ATP11C: variants seen among roughly 807,000 people sequenced by gnomAD.
The protein encoded by ATP11C is phospholipid-transporting ATPase IG.
Under a neutral mutation model 97.4 loss-of-function variants are expected in ATP11C, and 36 were observed. The observed-to-expected ratio is 0.37, with a 90% CI of 0.28 to 0.49. The LOEUF (loss-of-function observed/expected upper bound fraction) is 0.49. ATP11C is among the 20% of genes least tolerant of loss of function. ATP11C has a pLI of 0.98. For missense variants in ATP11C, 730 were observed against 824.6 expected (o/e 0.89, Z 1.40); for synonymous variants, 275 against 290.9 (o/e 0.95, Z 0.56).
At chrX:139,769,269 G>A (rs1160005033) in intron 19 of ATP11C, among the ~76,000 whole-genome samples, 1 of 64,773 alleles carries the variant, frequency 1.5e-5, no homozygotes, top group Non-Finnish European at 2.8e-5. Flanking sequence ...AAATGGCTTT[G>A]GGGCAAACAT....
At chrX:139,795,984 T>G (rs145770394) in intron 12 of ATP11C, among the ~76,000 whole-genome samples, 66 of 112,169 alleles carry the variant, frequency 5.9e-4, no homozygotes, top group African/African-American at 1.4e-3. Context: ...GAAGACTGTT[T>G]CCTGTTCCAA....
At chrX:139,822,703 C>T (rs1276630237) in intron 2 of ATP11C, among the ~76,000 whole-genome samples, 1 of 108,984 alleles carries the variant, frequency 9.2e-6, no homozygotes, top group Non-Finnish European at 1.9e-5. Context: ...CGTGAGCCAC[C>T]GCGCCTGGCC....
chrX:139,848,280 C>G (rs1365507021), intron 1 of ATP11C, among the ~76,000 whole-genome samples: 2 of 111,188 alleles, frequency 1.8e-5, no homozygotes, highest in East Asian at 5.7e-4. Context: ...ATGCAACACC[C>G]ACCCCAATCC....
At chrX:139,764,554 TA>T (rs962102128) in intron 20 of ATP11C, among the ~76,000 whole-genome samples, 35 of 111,518 alleles carry the variant, frequency 3.1e-4, no homozygotes, top group African/African-American at 1.0e-3. Context: ...TCTAGCGGCT[TA>T]AAAAAAAATA....
Position 139,886,528 on chromosome X carries a change from T to A in ATP11C, c.27+45488A>T, listed in dbSNP as rs908509073. 4.4e-5 allele frequency among the ~76,000 whole-genome samples: 4 copies of A among 91,569 alleles called. No individual in the cohort carries two copies. The Admixed American group carries it at 5.8e-4, about 13-fold the overall frequency. The allele number at this position is 91,569 out of a possible 115,157, so 79.5% of individuals were successfully genotyped here. A position where few individuals can be genotyped will look rare whatever the true frequency, so the allele number is the denominator to read the frequency against. On this transcript the variant is annotated intron_variant, in intron 1 of 29. Coordinates refer to ENST00000682941, the MANE Select transcript of ATP11C (RefSeq NM_001353812.2). ...TGCTTGATTGCTTGAACCCGGGAAG[T>A]GGAGGTTGCAGTGAGCTGAGATTTT...
chrX:139,827,486 C>T (rs2083555462), intron 1 of ATP11C, among the ~76,000 whole-genome samples: 1 of 111,370 alleles, frequency 9.0e-6, no homozygotes, highest in African/African-American at 3.3e-5. Flanking sequence ...GTAGACTCAC[C>T]GAACCTAAAA....
intron 1 of ATP11C, among the ~76,000 whole-genome samples, chrX:139,865,638 T>A (rs888541028): frequency 4.5e-5 from 5 of 110,523 alleles, no homozygotes; most frequent in African/African-American, 9.9e-5. Flanking sequence ...GGCGTGCACC[T>A]GTAATCCCAG....
intron 6 of ATP11C, among the ~76,000 whole-genome samples, chrX:139,803,968 T>C (rs1225789321): frequency 9.1e-6 from 1 of 110,422 alleles, no homozygotes; most frequent in Admixed American, 9.7e-5. Flanking sequence ...CCCAAAGTGC[T>C]AGGATTACAG....
chrX:139,887,462 A>C (rs1029422172), intron 1 of ATP11C, among the ~76,000 whole-genome samples: 2 of 103,577 alleles, frequency 1.9e-5, no homozygotes, highest in Admixed American at 1.1e-4. Context: ...CTGTTTCTAC[A>C]AAAAAAACCA....
intron 1 of ATP11C, among the ~76,000 whole-genome samples, chrX:139,836,313 C>A (rs996846649): frequency 9.1e-6 from 1 of 110,459 alleles, no homozygotes; most frequent in African/African-American, 3.3e-5. Context: ...GTCAGGAGTT[C>A]GAGACCAGAT....
chrX:139,899,969 G>C (rs1386334590), intron 1 of ATP11C, among the ~76,000 whole-genome samples: 1 of 111,466 alleles, frequency 9.0e-6, no homozygotes, highest in Non-Finnish European at 1.9e-5. Context: ...CGGCAAAATC[G>C]GGGATGAGCG....
At chrX:139,792,515 T>TG (rs1448366947) in intron 12 of ATP11C, among the ~76,000 whole-genome samples, 1 of 110,830 alleles carries the variant, frequency 9.0e-6, no homozygotes, top group African/African-American at 3.3e-5. Context: ...GCATCTGAAG[T>TG]GGGGGGCAGT....
chrX:139,871,631 C>T (rs1393157745), intron 1 of ATP11C, among the ~76,000 whole-genome samples: 5 of 107,234 alleles, frequency 4.7e-5, no homozygotes, highest in Non-Finnish European at 9.6e-5. Flanking sequence ...GGTGATTCTC[C>T]CACCTCAGCC....
At chrX:139,826,932 G>T in intron 1 of ATP11C, 109 bp from the exon 2 acceptor site, 1 of 808,167 alleles carries the variant, frequency 1.2e-6, no homozygotes, top group Non-Finnish European at 1.7e-6. Context: ...TGGCGAGAAA[G>T]TAGTAGGGAG....
chrX:139,895,772 T>C (rs1352852139), intron 1 of ATP11C, among the ~76,000 whole-genome samples: 2 of 111,812 alleles, frequency 1.8e-5, no homozygotes, highest in African/African-American at 6.5e-5. Flanking sequence ...GTGAGATGTA[T>C]TTTTTCTAGT....
chrX:139,729,437 G>A (rs1169519960), intron 29 of ATP11C, among the ~76,000 whole-genome samples: 1 of 111,985 alleles, frequency 8.9e-6, no homozygotes, highest in Non-Finnish European at 1.9e-5. Context: ...GAGGAAGTCT[G>A]AAGATATATT....
rs181699586 is a variant in ATP11C, at chrX:139,913,890, T to C, written c.27+18126A>G. On this transcript the variant is annotated intron_variant, in intron 1 of 29. Coordinates refer to ENST00000682941, the MANE Select transcript of ATP11C (RefSeq NM_001353812.2). ...TGTCAATGTTCCCATCCAAAGTATA[T>C]AAAATTCAGTTCAAACTCATTACTA... Among the ~76,000 whole-genome samples, 3 of 111,681 alleles carry C rather than the reference T, an allele frequency of 2.7e-5. No individual in the cohort carries two copies. In the Admixed American group the frequency reaches 2.9e-4, roughly 11 times the overall value.
chrX:139,782,684 T>G lies in ATP11C; in HGVS notation c.1815A>C (p.Pro605=). ...TLCVAFKEIA[P]DDYERINRQL... ...GTCTGTTAATTCTTTCATAATCATC[T>G]GGAGCAATTTCTTTGAAGGCTACAC... is the stretch of plus-strand genomic sequence containing the variant. The change falls in exon 18 of 30, where the codon CCA becomes CCC. Residue 605 remains proline (P), a synonymous_variant. Coordinates refer to ENST00000682941, the MANE Select transcript of ATP11C (RefSeq NM_001353812.2). 3.3e-6 allele frequency: 4 copies of G among 1,207,174 alleles called. No homozygotes were observed. Among genetic ancestry groups the G allele is most frequent in the Non-Finnish European group, 4.5e-6 (4 of 892,571 alleles).
At position 139,826,705 on chromosome X, in the gene ATP11C, T is replaced by G; in HGVS notation, c.146A>C (p.Lys49Thr). 1 of 1,200,780 alleles carries G rather than the reference T, an allele frequency of 8.3e-7. No homozygotes were observed. Among genetic ancestry groups the G allele is most frequent in the Non-Finnish European group, 1.1e-6 (1 of 887,888 alleles). ...RFCDNRIVSS[K>T]YTLWNFLPKN... is the part of the protein sequence containing the mutation. ...TATTGAGTTAAAACAAAAACTTACCTTAGATGAGACTATTCTATTATCACA... is the reference window on the plus strand; with the variant it reads ...TATTGAGTTAAAACAAAAACTTACCGTAGATGAGACTATTCTATTATCACA... Residue 49 changes from lysine (K) to threonine (T), a missense_variant and splice_region_variant, in exon 2 of 30, where the codon AAG becomes ACG. Transcript: ENST00000682941.
Sources: allele counts gnomAD v4.1 joint callset (sites outside exome capture counted in the v4.1 genomes callset), GRCh38; gene constraint gnomAD v4.1.1; transcripts MANE v1.5; gene names NCBI Gene and HGNC (gene_info 2026-07-23, HGNC 2026-07-21).